Variants in ADCY6 observed in about 807,000 individuals in gnomAD.
The protein encoded by ADCY6 is adenylate cyclase type 6.
In ADCY6, 59 loss-of-function variants were observed where a neutral mutation model predicts 111.6. That is an observed-to-expected ratio of 0.53 (90% CI 0.43 to 0.66). The LOEUF is 0.66. Among genes scored for constraint, ADCY6 ranks in the 30% least tolerant of loss-of-function variants. The pLI, the probability that ADCY6 is intolerant of heterozygous loss-of-function variation, is 0.00. For missense variants in ADCY6, 1,242 were observed against 1,595.6 expected (o/e 0.78, Z 3.78); for synonymous variants, 576 against 642.9 (o/e 0.90, Z 1.57).
At chr12:48,789,736 C>G (rs1401050879), upstream of ADCY6, 2 of 152,118 alleles carry the variant, frequency 1.3e-5, no homozygotes, top group Non-Finnish European at 2.9e-5. Context: ...TCCTCTTCCC[C>G]CCAGTCTCTG....
Position 48,768,708 on chromosome 12 carries a change from C to T in ADCY6, c.3390G>A (p.Thr1130=), listed in dbSNP as rs752250746. 3.7e-5 allele frequency: 59 copies of T among 1,613,864 alleles called. 1 individual carries two copies. The highest frequency in any genetic ancestry group is 4.8e-5 in the Non-Finnish European group (57 of 1,179,902). ...TGVPDRIQVT[T]DLYQVLAAKG... is the part of the protein sequence containing the mutation. ...TGGCAGCTAGAACCTGGTACAGGTC[C>T]GTGGTCACCTGGGGGAGTGGGAGGG... is the stretch of plus-strand genomic sequence containing the variant. Residue 1130 remains threonine, a synonymous_variant, in exon 22 of 22, where the codon ACG becomes ACA. Coordinates refer to ENST00000357869, the MANE Select transcript of ADCY6 (RefSeq NM_015270.5).
At position 48,776,302 on chromosome 12, in the gene ADCY6, G is replaced by A. The variant is rs778195784; in HGVS notation, c.1584C>T (p.Tyr528=). Residue 528 remains tyrosine, a synonymous_variant, in exon 8 of 22, where the codon TAC becomes TAT. Coordinates refer to ENST00000357869, the MANE Select transcript of ADCY6 (RefSeq NM_015270.5). The surrounding 1 kb of genome is among the most constrained non-coding windows in gnomAD (Gnocchi z 6.1). ...CGCCACCACGGCCTGGCTCCACCTC[G>A]TAGTCCCCGTTCAGGTACTGCAGTG... ...RATLQYLNGD[Y]EVEPGRGGER... 44 of 1,614,092 alleles carry A rather than the reference G, an allele frequency of 2.7e-5. No homozygotes were observed. The Admixed American group carries it at 5.2e-4, about 19-fold the overall frequency.
intron 18 of ADCY6, 148 bp from the exon 19 acceptor site, chr12:48,772,121 GGGGGCAGGTAGAGGAT>G: frequency 7.2e-7 from 1 of 1,382,430 alleles, no homozygotes; most frequent in Non-Finnish European, 9.7e-7. Flanking sequence ...AAGGGGTAAA[GGGGGCAGGTAGAGGAT>G]GGGGCAGGGA....
intron 15 of ADCY6, 90 bp downstream of exon 15, chr12:48,773,850 G>T: frequency 6.5e-7 from 1 of 1,529,058 alleles, no homozygotes. Context: ...TGAGTTCCTG[G>T]GTCCCCAGCG....
At position 48,776,022 on chromosome 12, in the gene ADCY6, G is replaced by A. The variant is rs146240310; in HGVS notation, c.1747C>T (p.Arg583Cys). 1.7e-5 allele frequency: 28 copies of A among 1,612,824 alleles called. No homozygotes were observed. Among genetic ancestry groups the A allele is most frequent in the South Asian group, 8.8e-5 (8 of 90,816 alleles). The change falls in exon 9 of 22, where the codon CGC (arginine) becomes TGC (cysteine). Residue 583 changes from arginine (R) to cysteine (C), a missense_variant. Physicochemically the swap from Arg to Cys is radical, Grantham distance 180. This residue lies in a region of ADCY6 where 375 missense variants were observed against 432.5 expected (regional missense o/e 0.87). Transcript: ENST00000357869. The surrounding 1 kb of genome is among the most constrained non-coding windows in gnomAD (Gnocchi z 6.1). Reference protein sequence around the residue: ...RANSMEGLMPRWVPDRAFSRT... With the variant: ...RANSMEGLMPCWVPDRAFSRT... Reference sequence around the variant, plus strand: ...GAGAAGGCACGATCAGGAACCCAGCGCGGCATCAGCCCTTCCATGGAGTTG... The same window carrying A: ...GAGAAGGCACGATCAGGAACCCAGCACGGCATCAGCCCTTCCATGGAGTTG...
chr12:48,773,851 G>A (rs1010608108), intron 15 of ADCY6, 89 bp downstream of exon 15: 4 of 1,533,034 alleles, frequency 2.6e-6, no homozygotes, highest in African/African-American at 1.4e-5. Context: ...GAGTTCCTGG[G>A]TCCCCAGCGC....
intron 2 of ADCY6, among the ~76,000 whole-genome samples, chr12:48,781,246 A>C (rs1388647041): frequency 6.6e-6 from 1 of 151,576 alleles, no homozygotes; most frequent in African/African-American, 2.4e-5. Flanking sequence ...TCTGTTCTGC[A>C]GCACAGGCTG....
chr12:48,774,925 A>G, intron 12 of ADCY6, 32 bp downstream of exon 12: 4 of 1,542,068 alleles, frequency 2.6e-6, no homozygotes, highest in Non-Finnish European at 3.5e-6. Flanking sequence ...TGGTGAAGAG[A>G]GAAGCTAAGA....
Position 48,770,964 on chromosome 12 carries a change from T to C in ADCY6, c.3058A>G (p.Ser1020Gly). 1.2e-6 allele frequency: 2 copies of C among 1,613,912 alleles called. No individual in the cohort carries two copies. The highest frequency in any genetic ancestry group is 1.1e-5 in the South Asian group (1 of 91,070). ...EIIADFDEII[S>G]EERFRQLEKI... ...TCCAGCTGCCGGAACCGCTCCTCGC[T>C]GATAATCTGAACAACACAAGGAGAC... The change falls in exon 20 of 22, where the codon AGC becomes GGC. Residue 1020 changes from serine (S) to glycine (G), a missense_variant. Physicochemically the swap from Ser to Gly is moderately conservative, Grantham distance 56. Coordinates refer to ENST00000357869, the MANE Select transcript of ADCY6 (RefSeq NM_015270.5).
At position 48,768,929 on chromosome 12, in the gene ADCY6, C is replaced by T. The variant is rs1350136367; in HGVS notation, c.3381+8G>A. On this transcript the variant is annotated splice_region_variant and intron_variant, in intron 21 of 21. Transcript: ENST00000357869. ...GTTCCTCCCAGCCCCTGCTCATATC[C>T]CCCTCACCTGGATTCGGTCGGGGAC... is the stretch of plus-strand genomic sequence containing the variant. The T allele has an allele frequency of 6.2e-6, 10 of 1,604,152 alleles. No individual in the cohort carries two copies. Among genetic ancestry groups the T allele is most frequent in the Non-Finnish European group, 1.7e-6 (2 of 1,175,132 alleles).
rs746537371 is a variant in ADCY6, at chr12:48,783,316, G to A, written c.119C>T (p.Thr40Met). 19 of 1,613,602 alleles carry A rather than the reference G, an allele frequency of 1.2e-5. No individual in the cohort carries two copies. The highest frequency in any genetic ancestry group is 1.6e-5 in the Non-Finnish European group (19 of 1,179,900). The change falls in exon 2 of 22, where the codon ACG becomes ATG. Residue 40 changes from threonine (T) to methionine (M), a missense_variant. By Grantham distance (81) the Thr-to-Met change is moderately conservative. Coordinates refer to ENST00000357869, the MANE Select transcript of ADCY6 (RefSeq NM_015270.5). ...CCGGAGGCAGCTCATATAGCGGGGC[G>A]TGCAGAAGCCACCTGCCCGAGTGCC... Reference protein sequence around the residue: ...RRGTRAGGFCTPRYMSCLRDA... With the variant: ...RRGTRAGGFCMPRYMSCLRDA...
chr12:48,775,308 TCTC>T lies in ADCY6; in HGVS notation c.1972_1974del (p.Glu658del). 4 of 1,613,844 alleles carry T rather than the reference TCTC, an allele frequency of 2.5e-6. No homozygotes were observed. The highest frequency in any genetic ancestry group is 3.4e-6 in the Non-Finnish European group (4 of 1,179,934). ...CTGCCCTGTATCCCTCAAACCTTCTTCTCAAGATCCTCTCTCTGGAAGGTGAGC... is the reference window on the plus strand; with the variant it reads ...CTGCCCTGTATCCCTCAAACCTTCTTAAGATCCTCTCTCTGGAAGGTGAGC... On this transcript the variant is annotated inframe_deletion, in exon 11 of 22. Coordinates refer to ENST00000357869, the MANE Select transcript of ADCY6 (RefSeq NM_015270.5).
At chr12:48,780,690 T>C (rs1366648293) in intron 2 of ADCY6, among the ~76,000 whole-genome samples, 1 of 152,194 alleles carries the variant, frequency 6.6e-6, no homozygotes, top group Non-Finnish European at 1.5e-5. Flanking sequence ...ACCCAGCCCA[T>C]GCCTGGCCAG....
intron 16 of ADCY6, 123 bp downstream of exon 16, chr12:48,773,346 T>G (rs768680091): frequency 7.1e-6 from 8 of 1,127,570 alleles, no homozygotes; most frequent in Non-Finnish European, 1.0e-5. Context: ...TCTCCTCCCT[T>G]TCCCCCACAG....
At chr12:48,778,891 T>G (rs1326452604) in intron 2 of ADCY6, among the ~76,000 whole-genome samples, 1 of 136,902 alleles carries the variant, frequency 7.3e-6, no homozygotes, top group African/African-American at 2.8e-5. Flanking sequence ...TTTTTTTTTT[T>G]TTTTTTTGAC....
chr12:48,784,315 GAAATAAAATAAAATA>G (rs201262016), intron 1 of ADCY6, among the ~76,000 whole-genome samples: 11 of 126,602 alleles, frequency 8.7e-5, no homozygotes, highest in African/African-American at 2.3e-4. Flanking sequence ...GGAAGGGAGG[GAAATAAAATAAAATA>G]AAATAAAATA....
At position 48,771,844 on chromosome 12, in the gene ADCY6, G is replaced by A. The variant is rs747921948; in HGVS notation, c.2917C>T (p.Gln973Ter). The A allele has an allele frequency of 1.9e-6, 3 of 1,614,194 alleles. No homozygotes were observed. The highest frequency in any genetic ancestry group is 8.5e-7 in the Non-Finnish European group (1 of 1,180,044). The change falls in exon 19 of 22, where the codon CAG becomes TAG. Residue 973 changes from glutamine to a stop codon, truncating the protein, a stop_gained. Coordinates refer to ENST00000357869, the MANE Select transcript of ADCY6 (RefSeq NM_015270.5). LOFTEE classifies it high-confidence loss of function. The surrounding 1 kb of genome is among the most constrained non-coding windows in gnomAD (Gnocchi z 4.3). The stretch of plus-strand genomic sequence containing the variant: ...ATAACAGCCACACACTCACACGACT[G>A]ATAGTAGAGTTCATCATTGCGGCGC... ...RERRNDELYY[Q>*]SCECVAVMFA...
Position 48,771,408 on chromosome 12 carries a change from G to A in ADCY6, c.3051+302C>T, listed in dbSNP as rs1038000673. The stretch of plus-strand genomic sequence containing the variant: ...TGCTTGGTTGGTCTCATGAGGTTCT[G>A]TCCACAGACTATTGCCTTCTTCTTC... On this transcript the variant is annotated intron_variant, in intron 19 of 21. Transcript: ENST00000357869. The surrounding 1 kb of genome is among the most constrained non-coding windows in gnomAD (Gnocchi z 4.3). The A allele has an allele frequency of 3.7e-6, 2 of 535,314 alleles. No homozygotes were observed. The highest frequency in any genetic ancestry group is 3.4e-6 in the Non-Finnish European group (1 of 294,446). 33.2% of individuals were successfully genotyped at this position (535,314 alleles called of 1,614,324 possible). A position where few individuals can be genotyped will look rare whatever the true frequency, so the allele number is the denominator to read the frequency against.
At position 48,768,919 on chromosome 12, in the gene ADCY6, T is replaced by C; in HGVS notation, c.3381+18A>G. On this transcript the variant is annotated intron_variant, in intron 21 of 21. Transcript: ENST00000357869. ...CCGGGCCCATGTTCCTCCCAGCCCC[T>C]GCTCATATCCCCCTCACCTGGATTC... The C allele has an allele frequency of 1.3e-6, 2 of 1,597,868 alleles. No individual in the cohort carries two copies. Among genetic ancestry groups the C allele is most frequent in the Non-Finnish European group, 1.7e-6 (2 of 1,172,064 alleles).
Sources: gnomAD v4.1 joint callset for allele counts (sites outside exome capture counted in the v4.1 genomes callset) on GRCh38, gnomAD v4.1.1 for gene constraint, gnomAD v4.1.1 regional missense constraint, Gnocchi (gnomAD v3.1) non-coding constraint, MANE v1.5 for transcripts, NCBI Gene and HGNC (gene_info 2026-07-23, HGNC 2026-07-21) for gene names.